The following MAGI2 variants were observed in gnomAD, a reference collection of about 807,000 sequenced individuals.
The protein encoded by MAGI2 is membrane associated guanylate kinase, WW and PDZ domain containing 2, also known as membrane-associated guanylate kinase, WW and PDZ domain-containing protein 2.
In MAGI2, 35 loss-of-function variants were observed where a neutral mutation model predicts 133.3. The ratio of observed to expected loss-of-function variants is 0.26; its 90% CI spans 0.20 to 0.35. MAGI2 has a LOEUF of 0.35. Among genes scored for constraint, MAGI2 ranks in the 10% least tolerant of loss-of-function variants. MAGI2 has a pLI of 1.00. For synonymous variants in MAGI2, 729 were observed against 710.6 expected, an observed-to-expected ratio of 1.03 and a Z score of -0.41; for missense variants, 1,636 against 1,863.4, an observed-to-expected ratio of 0.88 and a Z score of 2.25.
At chr7:78,066,107 T>C (rs1302577622) in intron 21 of MAGI2, among the ~76,000 whole-genome samples, 3 of 152,186 alleles carry the variant, frequency 2.0e-5, no homozygotes, top group Non-Finnish European at 2.9e-5. Context: ...TGTTTATATT[T>C]TCTCTAATAA....
rs1450325255 is a variant in MAGI2 at position 79,416,588 on chromosome 7, G to C, written c.301+36432C>G. ...GGAAATGATATGATGTCTGAGATTT[G>C]CTTTAAAGTACTCTAGAGATCAGAG... On this transcript the variant is annotated intron_variant, in intron 1 of 21. Coordinates refer to ENST00000354212, the MANE Select transcript of MAGI2 (RefSeq NM_012301.4). Among the ~76,000 whole-genome samples the C allele has an allele frequency of 2.0e-5, 3 of 151,940 alleles. No individual in the cohort carries two copies. The East Asian group carries it at 5.8e-4, about 29-fold the overall frequency.
At chr7:78,328,502 A>AACAC (rs1554346526) in intron 9 of MAGI2, among the ~76,000 whole-genome samples, 6,601 of 105,150 alleles carry the variant, frequency 0.063, 276 homozygotes, top group Middle Eastern at 0.095. Context: ...CCAGCTCTAA[A>AACAC]ACACACACAC....
chr7:78,370,115 C>T (rs902005008), intron 6 of MAGI2, among the ~76,000 whole-genome samples: 1 of 151,992 alleles, frequency 6.6e-6, no homozygotes, highest in Non-Finnish European at 1.5e-5. Context: ...ATATGTATCA[C>T]TGTAGACAAA....
At chr7:78,144,432 A>AT (rs1340442950) in intron 16 of MAGI2, among the ~76,000 whole-genome samples, 10 of 152,148 alleles carry the variant, frequency 6.6e-5, no homozygotes, top group African/African-American at 2.2e-4. Context: ...TTTTATTACA[A>AT]TTTTTAGTTA....
chr7:78,718,205 C>A (rs1211974530), intron 2 of MAGI2, among the ~76,000 whole-genome samples: 1 of 152,150 alleles, frequency 6.6e-6, no homozygotes, highest in Non-Finnish European at 1.5e-5. Flanking sequence ...TGTTTCAGAT[C>A]AACTATAGAG....
intron 11 of MAGI2, among the ~76,000 whole-genome samples, chr7:78,197,156 AT>A (rs1427265921): frequency 6.6e-6 from 1 of 152,214 alleles, no homozygotes; most frequent in Non-Finnish European, 1.5e-5. Flanking sequence ...ACAGAAAGCT[AT>A]TCTGGGTTTC....
intron 2 of MAGI2, among the ~76,000 whole-genome samples, chr7:78,700,582 G>T (rs1817966343): frequency 6.6e-6 from 1 of 151,968 alleles, no homozygotes; most frequent in South Asian, 2.1e-4. Flanking sequence ...TTAAAACTTT[G>T]TTTCTTCTAG....
At chr7:78,036,888 A>G (rs1282416766) in intron 21 of MAGI2, among the ~76,000 whole-genome samples, 1 of 152,234 alleles carries the variant, frequency 6.6e-6, no homozygotes, top group African/African-American at 2.4e-5. Context: ...TGCTGAGATT[A>G]TAGGTGTGAG....
intron 9 of MAGI2, among the ~76,000 whole-genome samples, chr7:78,324,835 G>A (rs927972365): frequency 1.3e-5 from 2 of 151,996 alleles, no homozygotes; most frequent in African/African-American, 2.4e-5. Flanking sequence ...GCATGGTGGC[G>A]GGCGCCTGTA....
intron 1 of MAGI2, among the ~76,000 whole-genome samples, chr7:79,326,554 T>TA (rs1839709888): frequency 6.6e-6 from 1 of 152,154 alleles, no homozygotes; most frequent in Non-Finnish European, 1.5e-5. Context: ...CTATGAAAGG[T>TA]ATACTCCCAA....
intron 2 of MAGI2, among the ~76,000 whole-genome samples, chr7:78,853,527 T>G (rs1006865508): frequency 6.6e-6 from 1 of 151,374 alleles, no homozygotes. Context: ...GGCTAATTTT[T>G]TAATCGTTTG....
chr7:79,355,355 AC>A (rs199835972), intron 1 of MAGI2, among the ~76,000 whole-genome samples: 1 of 152,162 alleles, frequency 6.6e-6, no homozygotes, highest in Non-Finnish European at 1.5e-5. Context: ...AAAAAAACAA[AC>A]AAAAACAAAA....
chr7:78,967,375 C>G (rs562354044), intron 2 of MAGI2, among the ~76,000 whole-genome samples: 48 of 152,112 alleles, frequency 3.2e-4, no homozygotes, highest in African/African-American at 1.0e-3. Flanking sequence ...ATATGGCTTG[C>G]ATGCATTTTC....
At chr7:78,783,012 C>CTTTTTTTTTTTTTTTTTTTTT (rs11432048) in intron 2 of MAGI2, among the ~76,000 whole-genome samples, 10 of 96,198 alleles carry the variant, frequency 1.0e-4, no homozygotes, top group Non-Finnish European at 1.4e-4. Flanking sequence ...TGATTCTTAC[C>CTTTTTTTTTTTTTTTTTTTTT]TTTTTTTTTT....
At chr7:79,281,988 A>G (rs1055103026) in intron 1 of MAGI2, among the ~76,000 whole-genome samples, 7 of 152,168 alleles carry the variant, frequency 4.6e-5, no homozygotes, top group Non-Finnish European at 8.8e-5. Context: ...TCCACTATAA[A>G]TCTTTTCATG....
At chr7:79,222,834 A>G (rs1830540564) in intron 1 of MAGI2, among the ~76,000 whole-genome samples, 1 of 151,974 alleles carries the variant, frequency 6.6e-6, no homozygotes, top group African/African-American at 2.4e-5. Context: ...GCATGTTTGT[A>G]TGTTGTTTCA....
intron 1 of MAGI2, among the ~76,000 whole-genome samples, chr7:79,332,974 A>T (rs903523756): frequency 6.6e-6 from 1 of 152,160 alleles, no homozygotes; most frequent in Non-Finnish European, 1.5e-5. Context: ...TTTTATTTGA[A>T]AAAAATAACA....
At chr7:78,397,769 C>T (rs1316250391) in intron 6 of MAGI2, among the ~76,000 whole-genome samples, 2 of 152,024 alleles carry the variant, frequency 1.3e-5, no homozygotes, top group African/African-American at 4.8e-5. Flanking sequence ...CTACTTAGGA[C>T]CAACAATACT....
chr7:78,019,382 C>T lies in MAGI2; in HGVS notation c.4301G>A (p.Trp1434Ter), dbSNP rs1396461637. ...CAGCTTGTCAGAACCCGGCACCTTC[C>T]AGGGCCCCGGCGCGACGGCGGCCTT... ...ARKAAVAPGP[W>*]KVPGSDKLPS... The change falls in exon 22 of 22, where the codon TGG becomes TAG. Residue 1434 changes from tryptophan to a stop codon, truncating the protein, a stop_gained. Coordinates refer to ENST00000354212, the MANE Select transcript of MAGI2 (RefSeq NM_012301.4). LOFTEE classifies it high-confidence loss of function. The T allele has an allele frequency of 1.5e-6, 2 of 1,307,988 alleles. No homozygotes were observed. The highest frequency in any genetic ancestry group is 1.9e-6 in the Non-Finnish European group (2 of 1,031,848). 81.0% of individuals were successfully genotyped at this position (1,307,988 alleles called of 1,614,324 possible).
Sources: gnomAD v4.1 joint callset for allele counts (sites outside exome capture counted in the v4.1 genomes callset) on GRCh38, gnomAD v4.1.1 for gene constraint, MANE v1.5 for transcripts, NCBI Gene and HGNC (gene_info 2026-07-23, HGNC 2026-07-21) for gene names.